The following SMURF2 variants were observed in gnomAD, a reference collection of about 807,000 sequenced individuals.
The protein encoded by SMURF2 is SMAD specific E3 ubiquitin protein ligase 2, also known as E3 ubiquitin-protein ligase SMURF2.
In SMURF2, 48 loss-of-function variants were observed where a neutral mutation model predicts 109.6. The ratio of observed to expected loss-of-function variants is 0.44; its 90% confidence interval spans 0.35 to 0.56. The LOEUF (loss-of-function observed/expected upper bound fraction) is 0.56. SMURF2 is among the 20% of genes least tolerant of loss of function. The pLI is 0.01. For missense variants in SMURF2, 575 were observed against 909.0 expected (o/e 0.63, Z 4.72); for synonymous variants, 288 against 317.1 (o/e 0.91, Z 0.97).
At chr17:64,618,825 T>A (rs556518635) in intron 1 of SMURF2, among the ~76,000 whole-genome samples, 1 of 152,326 alleles carries the variant, frequency 6.6e-6, no homozygotes, top group East Asian at 1.9e-4. Context: ...CTTTACCTTC[T>A]TTTTCTAGAG....
At chr17:64,588,563 T>C (rs1407173620) in intron 5 of SMURF2, among the ~76,000 whole-genome samples, 1 of 152,170 alleles carries the variant, frequency 6.6e-6, no homozygotes, top group Admixed American at 6.5e-5. Flanking sequence ...ACATTTTATA[T>C]ACATATTTAT....
chr17:64,645,062 G>T (rs1331661451), intron 1 of SMURF2, among the ~76,000 whole-genome samples: 3 of 151,618 alleles, frequency 2.0e-5, no homozygotes, highest in Admixed American at 2.0e-4. Context: ...ACTAGGTGGG[G>T]AAGGAGGAAG....
intron 16 of SMURF2, among the ~76,000 whole-genome samples, chr17:64,549,636 GTC>G (rs1969012039): frequency 6.6e-6 from 1 of 152,064 alleles, no homozygotes; most frequent in African/African-American, 2.4e-5. Context: ...CACACCTGAA[GTC>G]CCAGTTACTC....
rs1403878721 is a variant in SMURF2 at position 64,581,841 on chromosome 17, A to G, written c.570-850T>C. Among the ~76,000 whole-genome samples the G allele has an allele frequency of 6.6e-6, 1 of 151,956 alleles. No individual in the cohort carries two copies. The highest frequency in any genetic ancestry group is 1.5e-5 in the Non-Finnish European group (1 of 68,004). ...GCGCCTGTAGTCCCAGCTACTCGGG[A>G]GGCTGAGGTACGAGAATTGCTTGAA... On this transcript the variant is annotated intron_variant, in intron 7 of 18. Transcript: ENST00000262435. This position sits in a 1 kb window ranked among gnomAD's most constrained non-coding sequence, Gnocchi z 4.3.
chr17:64,652,988 T>G (rs1970659410), intron 1 of SMURF2, among the ~76,000 whole-genome samples: 1 of 152,036 alleles, frequency 6.6e-6, no homozygotes, highest in African/African-American at 2.4e-5. Flanking sequence ...GAGAAAATCT[T>G]TAGAACTCTG....
chr17:64,547,199 G>C lies in SMURF2; in HGVS notation c.2071+401C>G, dbSNP rs1968969374. On this transcript the variant is annotated intron_variant, in intron 17 of 18. Coordinates refer to ENST00000262435, the MANE Select transcript of SMURF2 (RefSeq NM_022739.4). The surrounding 1 kb of genome is among the most constrained non-coding windows in gnomAD (Gnocchi z 4.2). The stretch of plus-strand genomic sequence containing the variant: ...ACAGATGGTTTCCATGACCCATGCT[G>C]CTTCTGTCTAATAAGAGAAAGAACG... Among the ~76,000 whole-genome samples the C allele has an allele frequency of 1.3e-5, 2 of 152,210 alleles. No individual in the cohort carries two copies. Among genetic ancestry groups the C allele is most frequent in the Non-Finnish European group, 2.9e-5 (2 of 68,036 alleles).
intron 1 of SMURF2, among the ~76,000 whole-genome samples, chr17:64,658,047 C>T (rs192881183): frequency 2.9e-4 from 44 of 152,238 alleles, no homozygotes; most frequent in African/African-American, 1.1e-3. Context: ...AAATCACTAA[C>T]ACCTCTAGTA....
chr17:64,646,107 C>T (rs1970555624), intron 1 of SMURF2, among the ~76,000 whole-genome samples: 1 of 151,112 alleles, frequency 6.6e-6, no homozygotes. Flanking sequence ...CGCTCTGTTG[C>T]CTAGGCTGGA....
intron 15 of SMURF2, among the ~76,000 whole-genome samples, chr17:64,552,573 G>A (rs1231652075): frequency 6.6e-6 from 1 of 152,184 alleles, no homozygotes; most frequent in East Asian, 1.9e-4. Context: ...ACTGTAGTTG[G>A]CAAGGGATTA....
intron 1 of SMURF2, among the ~76,000 whole-genome samples, chr17:64,617,065 TAAAAAAAAAA>T (rs35408397): frequency 1.0e-4 from 5 of 48,496 alleles, no homozygotes; most frequent in Non-Finnish European, 3.7e-5. Flanking sequence ...AGACCTTGTC[TAAAAAAAAAA>T]AAAAAAAAAA....
In SMURF2 at chr17:64,562,858, T is replaced by C. The variant is rs531725868; in HGVS notation, c.1125A>G (p.Lys375=). 1.2e-5 allele frequency: 19 copies of C among 1,614,174 alleles called. No individual in the cohort carries two copies. The African/African-American group carries it at 2.3e-4, about 19-fold the overall frequency. Residue 375 remains lysine, a synonymous_variant, in exon 11 of 19, where the codon AAA becomes AAG. Coordinates refer to ENST00000262435, the MANE Select transcript of SMURF2 (RefSeq NM_022739.4). ...VPRYKRDLVQ[K]LKILRQELSQ... is the part of the protein sequence containing the mutation. ...AAAGTTCTTGCCGCAAAATTTTTAGTTTCTGAACCAGGTCTCGCTTGTACC... is the reference window on the plus strand; with the variant it reads ...AAAGTTCTTGCCGCAAAATTTTTAGCTTCTGAACCAGGTCTCGCTTGTACC...
intron 1 of SMURF2, among the ~76,000 whole-genome samples, chr17:64,633,069 G>A (rs113192243): frequency 0.05 from 7,643 of 152,218 alleles, 319 homozygotes; most frequent in African/African-American, 0.11. Context: ...CCAGAAGTTC[G>A]AGGCCAGCCT....
chr17:64,615,707 T>C (rs1488739901), intron 1 of SMURF2, among the ~76,000 whole-genome samples: 1 of 152,216 alleles, frequency 6.6e-6, no homozygotes, highest in Non-Finnish European at 1.5e-5. Context: ...AATAAGCAAA[T>C]ATATCACATA....
chr17:64,646,295 A>C (rs1555692966), intron 1 of SMURF2, among the ~76,000 whole-genome samples: 1 of 151,548 alleles, frequency 6.6e-6, no homozygotes. Context: ...TGAACTCCTG[A>C]CCTCAAGTGA....
intron 1 of SMURF2, among the ~76,000 whole-genome samples, chr17:64,639,976 A>G (rs1970473343): frequency 6.6e-6 from 1 of 152,252 alleles, no homozygotes; most frequent in African/African-American, 2.4e-5. Flanking sequence ...TTCATTAATT[A>G]TAACAAATAT....
At chr17:64,609,923 A>C (rs1193031533) in intron 1 of SMURF2, among the ~76,000 whole-genome samples, 1 of 151,400 alleles carries the variant, frequency 6.6e-6, no homozygotes, top group African/African-American at 2.4e-5. Flanking sequence ...AAAAAAAAAA[A>C]CCCCATCAAA....
chr17:64,553,126 T>G (rs1033957066), intron 15 of SMURF2, among the ~76,000 whole-genome samples: 4 of 152,152 alleles, frequency 2.6e-5, no homozygotes, highest in Admixed American at 2.0e-4. Context: ...CTCTTTCTCC[T>G]TCCTATTTCC....
intron 1 of SMURF2, among the ~76,000 whole-genome samples, chr17:64,627,365 C>T (rs937884498): frequency 6.6e-6 from 1 of 152,206 alleles, no homozygotes; most frequent in African/African-American, 2.4e-5. Flanking sequence ...ATCCGCCCAC[C>T]TCAGCCTCCC....
intron 1 of SMURF2, among the ~76,000 whole-genome samples, chr17:64,643,799 C>CA (rs1470479189): frequency 3.3e-5 from 5 of 152,120 alleles, no homozygotes; most frequent in African/African-American, 1.2e-4. Flanking sequence ...GAAGAATTCT[C>CA]AGAGGAGATG....
Sources: gnomAD v4.1 joint callset for allele counts (sites outside exome capture counted in the v4.1 genomes callset) on GRCh38, gnomAD v4.1.1 for gene constraint, Gnocchi (gnomAD v3.1) non-coding constraint, MANE v1.5 for transcripts, NCBI Gene and HGNC (gene_info 2026-07-23, HGNC 2026-07-21) for gene names.